DCC: variants seen among roughly 807,000 people sequenced by gnomAD.
DCC encodes netrin receptor DCC.
DCC carries 58 observed loss-of-function variants against 172.5 expected under a neutral mutation model. The ratio of observed to expected loss-of-function variants is 0.34; its 90% CI spans 0.27 to 0.42. The LOEUF is 0.42. Among genes scored for constraint, DCC ranks in the 10% least tolerant of loss-of-function variants. The pLI, the probability that DCC is intolerant of heterozygous loss-of-function variation, is 1.00. For synonymous variants in DCC, 709 were observed against 644.5 expected (o/e 1.10, Z -1.52); for missense variants, 1,740 against 1,791.0 (o/e 0.97, Z 0.51).
chr18:52,656,292 A>G (rs1162152036), intron 1 of DCC, among the ~76,000 whole-genome samples: 1 of 151,858 alleles, frequency 6.6e-6, no homozygotes, highest in Admixed American at 6.6e-5. Context: ...GTGCCCTTAT[A>G]GCAGAGACCT....
At chr18:53,175,652 A>G (rs916445348) in intron 8 of DCC, among the ~76,000 whole-genome samples, 5 of 151,972 alleles carry the variant, frequency 3.3e-5, no homozygotes, top group African/African-American at 1.2e-4. Flanking sequence ...GGAGAACTAC[A>G]AACCACTGCT....
chr18:52,843,398 G>T (rs1412984234), intron 2 of DCC, among the ~76,000 whole-genome samples: 2 of 152,118 alleles, frequency 1.3e-5, no homozygotes, highest in Non-Finnish European at 2.9e-5. Context: ...CCTGGTGAAA[G>T]CTCAAGGCAG....
At chr18:53,095,478 T>G (rs538963679) in intron 7 of DCC, among the ~76,000 whole-genome samples, 1 of 152,234 alleles carries the variant, frequency 6.6e-6, no homozygotes. Flanking sequence ...ATTTAGTAGC[T>G]TAAACCAACA....
At chr18:52,913,096 G>A (rs1444304165) in intron 3 of DCC, among the ~76,000 whole-genome samples, 1 of 152,036 alleles carries the variant, frequency 6.6e-6, no homozygotes, top group Non-Finnish European at 1.5e-5. Context: ...CACACCAGAT[G>A]ATAACTTTAG....
chr18:53,466,005 C>T (rs954338976), intron 24 of DCC, among the ~76,000 whole-genome samples: 1 of 152,086 alleles, frequency 6.6e-6, no homozygotes, highest in African/African-American at 2.4e-5. Context: ...ACCTCATGAT[C>T]CGCCCACCTC....
chr18:53,261,407 CT>C (rs1398178269), intron 12 of DCC, among the ~76,000 whole-genome samples: 2 of 152,284 alleles, frequency 1.3e-5, no homozygotes, highest in East Asian at 3.9e-4. Flanking sequence ...GAGAGAAATG[CT>C]GTCAGTGACT....
intron 2 of DCC, among the ~76,000 whole-genome samples, chr18:52,784,489 T>C (rs1207199428): frequency 6.6e-6 from 1 of 152,008 alleles, no homozygotes; most frequent in Non-Finnish European, 1.5e-5. Context: ...GAAACTTCTG[T>C]ACTGTTTTCC....
intron 1 of DCC, among the ~76,000 whole-genome samples, chr18:52,356,080 G>A (rs1598857452): frequency 6.6e-6 from 1 of 152,176 alleles, no homozygotes; most frequent in Admixed American, 6.5e-5. Context: ...TTTATGATAA[G>A]GCTAGGAGAA....
chr18:53,342,189 C>T (rs918441924), intron 15 of DCC, among the ~76,000 whole-genome samples: 1 of 151,944 alleles, frequency 6.6e-6, no homozygotes, highest in Non-Finnish European at 1.5e-5. Flanking sequence ...AGTTTAGACA[C>T]CAGACACTGT....
chr18:53,318,689 G>A lies in DCC; in HGVS notation c.2054-3358G>A, dbSNP rs559924590. On this transcript the variant is annotated intron_variant, in intron 13 of 28. Coordinates refer to ENST00000442544, the MANE Select transcript of DCC (RefSeq NM_005215.4). ...CCTGTATTGGGTGCATATACATTTA[G>A]GATAGTTAGCTCTTCTTGTTTCATT... is the stretch of plus-strand genomic sequence containing the variant. Among the ~76,000 whole-genome samples the A allele has an allele frequency of 9.9e-5, 15 of 151,430 alleles. No homozygotes were observed. The South Asian group carries it at 2.1e-3, about 21-fold the overall frequency.
intron 5 of DCC, among the ~76,000 whole-genome samples, chr18:52,933,104 G>C (rs565211580): frequency 6.6e-6 from 1 of 152,146 alleles, no homozygotes; most frequent in Non-Finnish European, 1.5e-5. Flanking sequence ...AAAATGCTTT[G>C]GAAATTTTGA....
intron 2 of DCC, among the ~76,000 whole-genome samples, chr18:52,763,405 A>C (rs2037193482): frequency 6.6e-6 from 1 of 152,204 alleles, no homozygotes; most frequent in Non-Finnish European, 1.5e-5. Context: ...TCTTTGATGC[A>C]GAAGGCACAG....
At chr18:53,189,305 A>G (rs997611633) in intron 9 of DCC, among the ~76,000 whole-genome samples, 1 of 152,086 alleles carries the variant, frequency 6.6e-6, no homozygotes, top group Non-Finnish European at 1.5e-5. Flanking sequence ...TGGAAGAAAA[A>G]CATTTTAGGG....
intron 13 of DCC, among the ~76,000 whole-genome samples, chr18:53,306,174 ATAAAG>A (rs2057198242): frequency 6.6e-6 from 1 of 152,228 alleles, no homozygotes; most frequent in African/African-American, 2.4e-5. Context: ...TTCTGCCAAT[ATAAAG>A]TAAATTCACT....
intron 2 of DCC, among the ~76,000 whole-genome samples, chr18:52,895,722 A>T (rs1230969244): frequency 6.6e-6 from 1 of 152,226 alleles, no homozygotes; most frequent in African/African-American, 2.4e-5. Context: ...TATTGAATAC[A>T]TATGTAACTT....
At chr18:53,039,952 G>A (rs1049820658) in intron 5 of DCC, among the ~76,000 whole-genome samples, 4 of 151,962 alleles carry the variant, frequency 2.6e-5, no homozygotes, top group Admixed American at 6.6e-5. Flanking sequence ...CCAACACAAT[G>A]CCTAACATGT....
At chr18:52,993,618 A>G (rs2041430215) in intron 5 of DCC, among the ~76,000 whole-genome samples, 1 of 152,116 alleles carries the variant, frequency 6.6e-6, no homozygotes. Flanking sequence ...GCATGGTTCA[A>G]GTTCAGACTT....
At chr18:52,693,844 A>G (rs963721181) in intron 1 of DCC, among the ~76,000 whole-genome samples, 3 of 152,174 alleles carry the variant, frequency 2.0e-5, no homozygotes, top group African/African-American at 7.2e-5. Flanking sequence ...TCACAATATA[A>G]AATAAATATA....
At chr18:52,650,935 A>G (rs956947925) in intron 1 of DCC, among the ~76,000 whole-genome samples, 1 of 152,224 alleles carries the variant, frequency 6.6e-6, no homozygotes, top group African/African-American at 2.4e-5. Flanking sequence ...TTAAAAATAC[A>G]AGAAGTACAA....
Sources: gnomAD v4.1 joint callset for allele counts (sites outside exome capture counted in the v4.1 genomes callset) on GRCh38, gnomAD v4.1.1 for gene constraint, MANE v1.5 for transcripts, NCBI Gene and HGNC (gene_info 2026-07-23, HGNC 2026-07-21) for gene names.